The following CDH12 variants were observed in gnomAD, a reference collection of about 807,000 sequenced individuals.
CDH12 encodes cadherin 12, also known as cadherin-12.
Under a neutral mutation model 74.1 loss-of-function variants are expected in CDH12, and 41 were observed. That is an observed-to-expected ratio of 0.55 (90% CI 0.43 to 0.72). The LOEUF is 0.72. Among genes scored for constraint, CDH12 ranks in the 30% least tolerant of loss-of-function variants. The pLI, the probability that CDH12 is intolerant of heterozygous loss-of-function variation, is 0.00. For synonymous variants in CDH12, 399 were observed against 355.0 expected, an observed-to-expected ratio of 1.12 and a Z score of -1.39; for missense variants, 945 against 977.2, an observed-to-expected ratio of 0.97 and a Z score of 0.44.
chr5:22,281,796 G>A (rs1189249427), intron 3 of CDH12, among the ~76,000 whole-genome samples: 2 of 152,146 alleles, frequency 1.3e-5, no homozygotes, highest in Admixed American at 1.3e-4. Flanking sequence ...TGGCCATACT[G>A]CCCAAAGGAA....
chr5:22,725,315 A>G (rs1294581213), intron 1 of CDH12, among the ~76,000 whole-genome samples: 1 of 151,918 alleles, frequency 6.6e-6, no homozygotes, highest in Non-Finnish European at 1.5e-5. Context: ...GATAATATAT[A>G]CAATGGATGA....
intron 1 of CDH12, among the ~76,000 whole-genome samples, chr5:22,791,552 T>TA (rs1393569898): frequency 1.3e-5 from 2 of 152,252 alleles, no homozygotes; most frequent in African/African-American, 4.8e-5. Flanking sequence ...TTGTCAATTC[T>TA]TGGACTCTTC....
chr5:22,283,145 T>C (rs1225846273), intron 3 of CDH12, among the ~76,000 whole-genome samples: 1 of 150,168 alleles, frequency 6.7e-6, no homozygotes, highest in African/African-American at 2.5e-5. Context: ...TCTAGAAATG[T>C]TTGATAATAA....
chr5:22,070,857 C>T (rs1263879124), intron 5 of CDH12, among the ~76,000 whole-genome samples: 2 of 152,094 alleles, frequency 1.3e-5, no homozygotes, highest in Admixed American at 6.6e-5. Flanking sequence ...TGCCTTTATC[C>T]TCAGCAAACT....
chr5:22,262,122 C>CT (rs200803016), intron 3 of CDH12, among the ~76,000 whole-genome samples: 127 of 145,760 alleles, frequency 8.7e-4, no homozygotes, highest in Admixed American at 1.8e-3. Context: ...TACACTATTT[C>CT]TTTTTTTTTT....
chr5:22,591,978 C>CT (rs1475356126), intron 1 of CDH12, among the ~76,000 whole-genome samples: 2 of 151,678 alleles, frequency 1.3e-5, no homozygotes, highest in East Asian at 3.9e-4. Context: ...CCATGTGAAC[C>CT]CTAAGTCATG....
At chr5:22,739,205 A>G (rs1055582258) in intron 1 of CDH12, among the ~76,000 whole-genome samples, 2 of 152,064 alleles carry the variant, frequency 1.3e-5, no homozygotes, top group African/African-American at 4.8e-5. Flanking sequence ...AAAGACATAC[A>G]TTCAATGTGT....
At chr5:21,932,190 A>G (rs1175148423) in intron 6 of CDH12, among the ~76,000 whole-genome samples, 1 of 152,242 alleles carries the variant, frequency 6.6e-6, no homozygotes, top group Non-Finnish European at 1.5e-5. Flanking sequence ...TATGCTGGTC[A>G]AATATAATAT....
chr5:22,400,109 C>G (rs1184924777), intron 3 of CDH12, among the ~76,000 whole-genome samples: 2 of 152,134 alleles, frequency 1.3e-5, no homozygotes, highest in Admixed American at 6.6e-5. Context: ...TACTTCCCCC[C>G]TTTCTAGTGG....
At chr5:21,765,469 G>T (rs957715364) in intron 11 of CDH12, among the ~76,000 whole-genome samples, 2 of 149,660 alleles carry the variant, frequency 1.3e-5, no homozygotes, top group Non-Finnish European at 3.0e-5. Flanking sequence ...TTGGTTGGAT[G>T]ATCTACATAT....
At chr5:22,412,719 C>A (rs1300643719) in intron 2 of CDH12, among the ~76,000 whole-genome samples, 1 of 151,818 alleles carries the variant, frequency 6.6e-6, no homozygotes, top group African/African-American at 2.4e-5. Context: ...CACACTTAGG[C>A]TATACTATAA....
chr5:21,801,131 C>T (rs969088815), intron 10 of CDH12, among the ~76,000 whole-genome samples: 3 of 152,108 alleles, frequency 2.0e-5, no homozygotes, highest in African/African-American at 7.2e-5. Flanking sequence ...GAGCAAGTTA[C>T]GTATGCTGTC....
At chr5:22,589,147 C>T (rs1402276955) in intron 1 of CDH12, among the ~76,000 whole-genome samples, 1 of 152,084 alleles carries the variant, frequency 6.6e-6, no homozygotes, top group Non-Finnish European at 1.5e-5. Context: ...TTGGATGTGA[C>T]ATGAGCAGAG....
intron 6 of CDH12, among the ~76,000 whole-genome samples, chr5:21,970,655 T>G (rs2150118656): frequency 6.6e-6 from 1 of 151,372 alleles, no homozygotes; most frequent in South Asian, 2.1e-4. Context: ...GCCTGGCCAA[T>G]GTGGCAAAAC....
At chr5:22,492,648 G>T (rs986418069) in intron 2 of CDH12, among the ~76,000 whole-genome samples, 4 of 151,998 alleles carry the variant, frequency 2.6e-5, no homozygotes, top group African/African-American at 9.7e-5. Flanking sequence ...CATCCAGCCT[G>T]ATTTTTCATT....
intron 1 of CDH12, among the ~76,000 whole-genome samples, chr5:22,529,186 T>TAG (rs1468255213): frequency 0.013 from 881 of 69,404 alleles, 4 homozygotes; most frequent in South Asian, 0.053. Flanking sequence ...TATATATATA[T>TAG]ATAGAGAGAG....
chr5:22,362,408 G>C (rs7447295), intron 3 of CDH12, among the ~76,000 whole-genome samples: 1 of 151,846 alleles, frequency 6.6e-6, no homozygotes, highest in East Asian at 1.9e-4. Context: ...TTAGAATGGC[G>C]ATCATTAAAA....
At chr5:22,423,956 T>A (rs1359698950) in intron 2 of CDH12, among the ~76,000 whole-genome samples, 1 of 118,034 alleles carries the variant, frequency 8.5e-6, no homozygotes, top group Non-Finnish European at 1.6e-5. Flanking sequence ...TGAGCCGAGA[T>A]CCCGCCACTG....
chr5:22,126,059 A>G (rs1032030958), intron 4 of CDH12, among the ~76,000 whole-genome samples: 68 of 151,106 alleles, frequency 4.5e-4, no homozygotes, highest in African/African-American at 1.5e-3. Context: ...TAATATTCAC[A>G]TTAACTTTTT....
Sources: gnomAD v4.1 joint callset for allele counts (sites outside exome capture counted in the v4.1 genomes callset) on GRCh38, gnomAD v4.1.1 for gene constraint, MANE v1.5 for transcripts, NCBI Gene and HGNC (gene_info 2026-07-23, HGNC 2026-07-21) for gene names.